Variants in UBE2O observed in about 807,000 individuals in gnomAD.
UBE2O encodes the protein ubiquitin conjugating enzyme E2 O, also known as (E3-independent) E2 ubiquitin-conjugating enzyme.
A neutral mutation model predicts 125.8 loss-of-function variants in UBE2O; 15 were observed. That is an observed-to-expected ratio of 0.12 (90% CI 0.08 to 0.18). The LOEUF is 0.18. Ranked by LOEUF, UBE2O falls within the 10% of genes least tolerant of loss-of-function variation. The pLI is 1.00. For missense variants in UBE2O, 1,280 were observed against 1,723.6 expected, an observed-to-expected ratio of 0.74 and a Z score of 4.56; for synonymous variants, 708 against 703.2, an observed-to-expected ratio of 1.01 and a Z score of -0.11.
Position 76,399,363 on chromosome 17 carries a change from G to A in UBE2O, c.1628+86C>T, listed in dbSNP as rs1324923715. The A allele has an allele frequency of 6.0e-6, 8 of 1,327,740 alleles. No individual in the cohort carries two copies. The highest frequency in any genetic ancestry group is 5.8e-5 in the African/African-American group (4 of 68,760). 82.2% of individuals were successfully genotyped at this position (1,327,740 alleles called of 1,614,324 possible). ...ACAAGGCATGCAGAGGTGTGTGTGC[G>A]AGCGCAGGCACGCACACCGAGGGGA... On this transcript the variant is annotated intron_variant, in intron 9 of 17. Coordinates refer to ENST00000319380, the MANE Select transcript of UBE2O (RefSeq NM_022066.4). This position sits in a 1 kb window ranked among gnomAD's most constrained non-coding sequence, Gnocchi z 6.9.
In UBE2O at chr17:76,398,885, G is replaced by C; in HGVS notation, c.1735C>G (p.Leu579Val). 6.2e-7 allele frequency: 1 copy of C among 1,614,202 alleles called. No individual in the cohort carries two copies. The change falls in exon 10 of 18, where the codon CTG (leucine) becomes GTG (valine). Residue 579 changes from leucine (L) to valine (V), a missense_variant. Around this residue, in one of 10 missense-constraint regions of UBE2O, gnomAD observed 145 missense variants for 219.6 expected, o/e 0.66. Transcript: ENST00000319380. The surrounding 1 kb of genome is among the most constrained non-coding windows in gnomAD (Gnocchi z 5.4). Reference sequence around the variant, plus strand: ...CCAGGGCAGAACTCGTTGTTGTCCAGGTGGTGCACAGGGAAGAGGTCGTTG... The same window carrying C: ...CCAGGGCAGAACTCGTTGTTGTCCACGTGGTGCACAGGGAAGAGGTCGTTG... ...RSNDLFPVHHLDNNEFCPGDF... is the reference protein window; with the variant it reads ...RSNDLFPVHHVDNNEFCPGDF...
At chr17:76,431,815 C>T (rs2072912857) in intron 1 of UBE2O, among the ~76,000 whole-genome samples, 1 of 152,112 alleles carries the variant, frequency 6.6e-6, no homozygotes, top group African/African-American at 2.4e-5. Flanking sequence ...AAGAACAGCT[C>T]CATTAGAAAC....
At chr17:76,434,251 A>G (rs757775266) in intron 1 of UBE2O, among the ~76,000 whole-genome samples, 1 of 152,140 alleles carries the variant, frequency 6.6e-6, no homozygotes, top group Non-Finnish European at 1.5e-5. Context: ...ACACAGTCCT[A>G]TCTCAGAGGT....
In UBE2O at chr17:76,407,594, G is replaced by A. The variant is rs149841558; in HGVS notation, c.418-2022C>T. Among the ~76,000 whole-genome samples the A allele has an allele frequency of 7.1e-3, 1,088 of 152,298 alleles. 15 individuals are homozygous for A. Among genetic ancestry groups the A allele is most frequent in the African/African-American group, 0.024 (1,007 of 41,554 alleles). On this transcript the variant is annotated intron_variant, in intron 1 of 17. Coordinates refer to ENST00000319380, the MANE Select transcript of UBE2O (RefSeq NM_022066.4). ...AGCCAGGAAAGGAGGAGAGAAGAAC[G>A]CAGACACAGACCTAAATCAGTGCCG...
At chr17:76,408,214 T>C (rs2072456486) in intron 1 of UBE2O, among the ~76,000 whole-genome samples, 1 of 152,194 alleles carries the variant, frequency 6.6e-6, no homozygotes, top group Non-Finnish European at 1.5e-5. Context: ...AGCCTTTCAG[T>C]GCCCCCGTCA....
chr17:76,393,320 A>G (rs1231680813), intron 15 of UBE2O, among the ~76,000 whole-genome samples: 3 of 150,654 alleles, frequency 2.0e-5, no homozygotes, highest in African/African-American at 7.3e-5. Flanking sequence ...GCTGGAGTGC[A>G]GTGGTGTGAT....
chr17:76,434,295 G>A (rs796880680), intron 1 of UBE2O, among the ~76,000 whole-genome samples: 6 of 152,264 alleles, frequency 3.9e-5, no homozygotes, highest in African/African-American at 1.4e-4. Flanking sequence ...TAAGCACACG[G>A]TGGCTGAAAA....
chr17:76,393,442 T>C (rs543207193), intron 15 of UBE2O, among the ~76,000 whole-genome samples: 2 of 150,788 alleles, frequency 1.3e-5, no homozygotes, highest in East Asian at 2.0e-4. Flanking sequence ...ACCATGTTGG[T>C]CAGGCTGGTC....
Position 76,396,031 on chromosome 17 carries a change from G to A in UBE2O, c.2809+97C>T, listed in dbSNP as rs757380373. 4.0e-6 allele frequency: 6 copies of A among 1,491,294 alleles called. No individual in the cohort carries two copies. In the East Asian group the frequency reaches 1.1e-4, roughly 28 times the overall value. 92.4% of individuals were successfully genotyped at this position (1,491,294 alleles called of 1,614,324 possible). On this transcript the variant is annotated intron_variant, in intron 14 of 17. Transcript: ENST00000319380. This position sits in a 1 kb window ranked among gnomAD's most constrained non-coding sequence, Gnocchi z 6.7. ...TGCCCTGGGGCAGTAGCTGGGGTCT[G>A]GCGAGGGGACTAACCACCCTGCACC...
intron 1 of UBE2O, among the ~76,000 whole-genome samples, chr17:76,406,689 GTTGTTTTTT>G (rs1703244727): frequency 8.4e-6 from 1 of 119,256 alleles, no homozygotes; most frequent in Admixed American, 8.4e-5. Flanking sequence ...ATGAGCCCAA[GTTGTTTTTT>G]TTTTTTTTTT....
chr17:76,431,254 G>A, intron 1 of UBE2O: 1 of 154,938 alleles, frequency 6.5e-6, no homozygotes, highest in East Asian at 1.9e-4. Context: ...GCTCATGCCT[G>A]TAATCCCAGC....
At chr17:76,415,941 GTA>G (rs1306739445) in intron 1 of UBE2O, among the ~76,000 whole-genome samples, 16 of 133,654 alleles carry the variant, frequency 1.2e-4, no homozygotes, top group African/African-American at 3.0e-4. Flanking sequence ...ATACGTATGC[GTA>G]TACATATGCA....
Position 76,395,918 on chromosome 17 carries a change from G to A in UBE2O, c.2810-57C>T. 3 of 1,608,406 alleles carry A rather than the reference G, an allele frequency of 1.9e-6. No individual in the cohort carries two copies. In the South Asian group the frequency reaches 3.3e-5, roughly 18 times the overall value. The stretch of plus-strand genomic sequence containing the variant: ...ATGGAGAGGCCCTGGAGCTCCATCT[G>A]CCAACCTGGCTGGACAGGTGAGCAC... On this transcript the variant is annotated intron_variant, in intron 14 of 17. Coordinates refer to ENST00000319380, the MANE Select transcript of UBE2O (RefSeq NM_022066.4). The surrounding 1 kb of genome is among the most constrained non-coding windows in gnomAD (Gnocchi z 5.0).
At position 76,448,186 on chromosome 17, in the gene UBE2O, G is replaced by C. The variant is rs77042512; in HGVS notation, c.417+4539C>G. ...AAGCACCATCAGGGCACTGAGGCCC[G>C]AGGGCTAGAAGGGGAAAAATCAAGG... is the stretch of plus-strand genomic sequence containing the variant. On this transcript the variant is annotated intron_variant, in intron 1 of 17. Transcript: ENST00000319380. 8.9e-3 allele frequency among the ~76,000 whole-genome samples: 1,349 copies of C among 152,320 alleles called. 13 individuals are homozygous for C. The highest frequency in any genetic ancestry group is 0.014 in the Non-Finnish European group (980 of 68,026).
At chr17:76,428,012 G>A (rs1375786045) in intron 1 of UBE2O, among the ~76,000 whole-genome samples, 1 of 152,124 alleles carries the variant, frequency 6.6e-6, no homozygotes, top group Admixed American at 6.5e-5. Flanking sequence ...TTCCTGCTTT[G>A]CTTTCGGTTC....
intron 1 of UBE2O, among the ~76,000 whole-genome samples, chr17:76,409,130 G>A (rs973907752): frequency 3.3e-5 from 5 of 151,722 alleles, no homozygotes; most frequent in Non-Finnish European, 5.9e-5. Flanking sequence ...CACCACGCCC[G>A]GCTAATTTTT....
In UBE2O at chr17:76,396,257, C is replaced by G. The variant is rs1332583338; in HGVS notation, c.2680G>C (p.Gly894Arg). 3 of 1,614,232 alleles carry G rather than the reference C, an allele frequency of 1.9e-6. No homozygotes were observed. The highest frequency in any genetic ancestry group is 3.3e-5 in the Admixed American group (2 of 60,036). Reference sequence around the variant, plus strand: ...CACTCAGCCTTCACAGGTGACTGCCCCTCGGGCTTGTCCTCCTTGCGCTCT... The same window carrying G: ...CACTCAGCCTTCACAGGTGACTGCCGCTCGGGCTTGTCCTCCTTGCGCTCT... ...DVERKEDKPEGQSPVKAEWPS... is the reference protein window; with the variant it reads ...DVERKEDKPERQSPVKAEWPS... Residue 894 changes from glycine to arginine, a missense_variant, in exon 14 of 18, where the codon GGG becomes CGG. Physicochemically the swap from Gly to Arg is moderately radical, Grantham distance 125. Coordinates refer to ENST00000319380, the MANE Select transcript of UBE2O (RefSeq NM_022066.4). The surrounding 1 kb of genome is among the most constrained non-coding windows in gnomAD (Gnocchi z 6.7).
chr17:76,429,954 A>T (rs1260859821), intron 1 of UBE2O, among the ~76,000 whole-genome samples: 1 of 152,184 alleles, frequency 6.6e-6, no homozygotes, highest in Non-Finnish European at 1.5e-5. Context: ...TGGTTTGCAG[A>T]ATTCAAAGAG....
In UBE2O at chr17:76,415,575, C is replaced by T. The variant is rs528579933; in HGVS notation, c.418-10003G>A. Among the ~76,000 whole-genome samples the T allele has an allele frequency of 9.2e-5, 14 of 152,240 alleles. No individual in the cohort carries two copies. In the East Asian group the frequency reaches 9.7e-4, roughly 11 times the overall value. ...ATCCCAGCACTTTGAGAGGGCAAGG[C>T]GGTTGGATCACTTGAGGTCAGGAGT... is the stretch of plus-strand genomic sequence containing the variant. On this transcript the variant is annotated intron_variant, in intron 1 of 17. Coordinates refer to ENST00000319380, the MANE Select transcript of UBE2O (RefSeq NM_022066.4).
Sources: allele counts gnomAD v4.1 joint callset (sites outside exome capture counted in the v4.1 genomes callset), GRCh38; gene constraint gnomAD v4.1.1; regional missense constraint gnomAD v4.1.1; non-coding constraint Gnocchi (gnomAD v3.1); transcripts MANE v1.5; gene names NCBI Gene and HGNC (gene_info 2026-07-23, HGNC 2026-07-21).